The following TRAPPC3L variants were observed in gnomAD, a reference collection of about 807,000 sequenced individuals.
TRAPPC3L encodes trafficking protein particle complex subunit 3-like protein.
TRAPPC3L carries 23 observed loss-of-function variants against 23.7 expected under a neutral mutation model. The observed-to-expected ratio is 0.97, with a 90% confidence interval of 0.70 to 1.37. The LOEUF (loss-of-function observed/expected upper bound fraction) is 1.37. TRAPPC3L is among the 40% of genes most tolerant of loss of function. The pLI, the probability that TRAPPC3L is intolerant of heterozygous loss-of-function variation, is 0.00. For missense variants in TRAPPC3L, 212 were observed against 216.8 expected, an observed-to-expected ratio of 0.98 and a Z score of 0.14; for synonymous variants, 81 against 77.9, an observed-to-expected ratio of 1.04 and a Z score of -0.21.
chr6:116,495,475 A>C lies in TRAPPC3L; in HGVS notation c.*1479T>G, dbSNP rs1771821202. The stretch of plus-strand genomic sequence containing the variant: ...TATCGTCAGTAGTTCTGCAGTAAAC[A>C]TGGGAGTGCAGATATCTCTTTGATA... On this transcript the variant is annotated 3_prime_UTR_variant, in exon 5 of 5. Transcript: ENST00000368602. 6.6e-6 allele frequency: 1 copy of C among 152,164 alleles called. No homozygotes were observed. The highest frequency in any genetic ancestry group is 1.5e-5 in the Non-Finnish European group (1 of 68,024). 9.4% of individuals were successfully genotyped at this position (152,164 alleles called of 1,614,324 possible).
Position 116,545,582 on chromosome 6 carries a change from A to AGTCCATGT in TRAPPC3L, c.-76_-69dup. The AGTCCATGT allele has an allele frequency of 7.9e-6, 11 of 1,396,792 alleles. No homozygotes were observed. Among genetic ancestry groups the AGTCCATGT allele is most frequent in the Non-Finnish European group, 8.8e-6 (9 of 1,022,242 alleles). The allele number at this position is 1,396,792 out of a possible 1,614,324, so 86.5% of individuals were successfully genotyped here. On this transcript the variant is annotated 5_prime_UTR_variant, in exon 1 of 5. In the 5' UTR this introduces an upstream ATG that the reference lacks. Transcript: ENST00000368602. ...TTTGCCTGTTTCTTAGAGGTGTATC[A>AGTCCATGT]GTCCATGTCTTTTTGTTTTGTTTTT...
chr6:116,540,235 G>C, intron 3 of TRAPPC3L, 128 bp downstream of exon 3: 2 of 841,658 alleles, frequency 2.4e-6, no homozygotes, highest in South Asian at 1.8e-5. Context: ...TTTTCAATCA[G>C]AATCTCCTTT....
intron 3 of TRAPPC3L, among the ~76,000 whole-genome samples, chr6:116,539,314 A>T (rs969061845): frequency 3.9e-5 from 6 of 152,208 alleles, no homozygotes; most frequent in African/African-American, 1.4e-4. Context: ...TAGTGGTATG[A>T]TAAACTCATT....
At chr6:116,529,270 TC>T in intron 3 of TRAPPC3L, 1 of 152,356 alleles carries the variant, frequency 6.6e-6, no homozygotes, top group Admixed American at 6.5e-5. Context: ...CCTACTTCAA[TC>T]TTTTGGCTGG....
chr6:116,496,959 T>A lies in TRAPPC3L; in HGVS notation c.541A>T (p.Lys181Ter). The A allele has an allele frequency of 6.5e-7, 1 of 1,543,792 alleles. No individual in the cohort carries two copies. Among genetic ancestry groups the A allele is most frequent in the Non-Finnish European group, 8.7e-7 (1 of 1,145,180 alleles). ...GGCATTTTCCGTGCTAGTCTTCATT[T>A]TTTCCCTCTATATTTTTTCTCGTCT... ...KRDEKKYRGK[K>*] is the part of the protein sequence containing the mutation. The change falls in exon 5 of 5, where the codon AAA becomes TAA. Residue 181 changes from lysine to a stop codon, truncating the protein, a stop_gained. Transcript: ENST00000368602. LOFTEE classifies it high-confidence loss of function.
chr6:116,533,663 C>A (rs1772887860), intron 3 of TRAPPC3L, among the ~76,000 whole-genome samples: 1 of 152,152 alleles, frequency 6.6e-6, no homozygotes, highest in African/African-American at 2.4e-5. Context: ...CTGTTCAATG[C>A]CCTACTTGTA....
chr6:116,507,612 A>G (rs1204893418), intron 3 of TRAPPC3L, among the ~76,000 whole-genome samples: 1 of 152,110 alleles, frequency 6.6e-6, no homozygotes, highest in Non-Finnish European at 1.5e-5. Flanking sequence ...AGATTTAAAA[A>G]AAACATAATA....
chr6:116,540,451 A>T lies in TRAPPC3L; in HGVS notation c.152T>A (p.Ile51Asn). The change falls in exon 3 of 5, where the codon ATT becomes AAT. Residue 51 changes from isoleucine (I) to asparagine (N), a missense_variant. Ile to Asn is a moderately radical substitution (Grantham distance 149). Transcript: ENST00000368602. The part of the protein sequence containing the change: ...NQYLDKMGYG[I>N]GTRLVEDFLA... Reference sequence around the variant, plus strand: ...AAAGTCTTCCACAAGCCGCGTTCCAATGCCGTAACCCCTGTGGATGACGGA... The same window carrying T: ...AAAGTCTTCCACAAGCCGCGTTCCATTGCCGTAACCCCTGTGGATGACGGA... 2 of 1,551,328 alleles carry T rather than the reference A, an allele frequency of 1.3e-6. No homozygotes were observed. The highest frequency in any genetic ancestry group is 8.7e-7 in the Non-Finnish European group (1 of 1,146,720).
intron 3 of TRAPPC3L, among the ~76,000 whole-genome samples, chr6:116,506,071 A>G (rs1772002124): frequency 6.6e-6 from 1 of 152,228 alleles, no homozygotes; most frequent in Non-Finnish European, 1.5e-5. Flanking sequence ...CTATCATCAG[A>G]CTGAGCAGGC....
chr6:116,533,671 G>A (rs1472451953), intron 3 of TRAPPC3L, among the ~76,000 whole-genome samples: 2 of 152,200 alleles, frequency 1.3e-5, no homozygotes, highest in Non-Finnish European at 2.9e-5. Context: ...TGCCCTACTT[G>A]TAACGCTAGA....
Position 116,500,656 on chromosome 6 carries a change from T to C in TRAPPC3L, c.251A>G (p.Lys84Arg), listed in dbSNP as rs751092748. The change falls in exon 4 of 5, where the codon AAG (lysine) becomes AGG (arginine). Residue 84 changes from lysine (K) to arginine (R), a missense_variant. Physicochemically the swap from Lys to Arg is conservative, Grantham distance 26 (BLOSUM62 2). Transcript: ENST00000368602. ...ACTTGGTGTAATTCCCAGGTACATCTTGAAAGCAACCTGATAAGAAAAAAA... is the reference window on the plus strand; with the variant it reads ...ACTTGGTGTAATTCCCAGGTACATCCTGAAAGCAACCTGATAAGAAAAAAA... ...IIDIIAQVAF[K>R]MYLGITPSVT... 6 of 1,551,362 alleles carry C rather than the reference T, an allele frequency of 3.9e-6. No individual in the cohort carries two copies. The highest frequency in any genetic ancestry group is 2.0e-5 in the Admixed American group (1 of 50,956).
intron 3 of TRAPPC3L, among the ~76,000 whole-genome samples, chr6:116,534,870 G>A (rs1054573040): frequency 2.6e-5 from 4 of 152,026 alleles, no homozygotes; most frequent in African/African-American, 9.7e-5. Flanking sequence ...CTAAAAATCG[G>A]GGTTTCAAGT....
At chr6:116,542,835 A>G (rs1255392163) in intron 2 of TRAPPC3L, among the ~76,000 whole-genome samples, 2 of 152,034 alleles carry the variant, frequency 1.3e-5, no homozygotes, top group Non-Finnish European at 2.9e-5. Flanking sequence ...CACAATTCCT[A>G]TTTTCTCCAT....
At chr6:116,503,779 A>T (rs1422477614) in intron 3 of TRAPPC3L, among the ~76,000 whole-genome samples, 1 of 152,224 alleles carries the variant, frequency 6.6e-6, no homozygotes, top group Admixed American at 6.5e-5. Flanking sequence ...ACTACTGTGT[A>T]AATAACGAAA....
intron 3 of TRAPPC3L, chr6:116,512,482 T>C (rs1039018984): frequency 1.9e-5 from 9 of 476,772 alleles, no homozygotes; most frequent in African/African-American, 7.7e-5. Flanking sequence ...ATTGTCCACA[T>C]ATAAATACTT....
At chr6:116,545,392 C>T in intron 1 of TRAPPC3L, 81 bp downstream of exon 1, 1 of 1,240,708 alleles carries the variant, frequency 8.1e-7, no homozygotes, top group Non-Finnish European at 1.1e-6. Context: ...CTTATAGCAT[C>T]AGTTTTTAAA....
chr6:116,543,100 TG>T (rs757632839), intron 2 of TRAPPC3L, among the ~76,000 whole-genome samples: 5 of 152,172 alleles, frequency 3.3e-5, no homozygotes, highest in African/African-American at 1.2e-4. Flanking sequence ...ACTTGATATT[TG>T]TAGGAAAAAA....
At chr6:116,512,386 G>A (rs1772140427) in intron 3 of TRAPPC3L, 2 of 927,886 alleles carry the variant, frequency 2.2e-6, no homozygotes, top group South Asian at 4.0e-5. Context: ...ACTATCTCAG[G>A]AAAAGCTTTT....
chr6:116,529,111 CT>C (rs1772542216), intron 3 of TRAPPC3L: 2 of 152,390 alleles, frequency 1.3e-5, no homozygotes. Flanking sequence ...AACCTGTGTT[CT>C]CCACATTTGT....
Sources: gnomAD v4.1 joint callset for allele counts (sites outside exome capture counted in the v4.1 genomes callset) on GRCh38, gnomAD v4.1.1 for gene constraint, MANE v1.5 for transcripts, NCBI Gene and HGNC (gene_info 2026-07-23, HGNC 2026-07-21) for gene names.